The following NEGR1 variants were observed in gnomAD, a reference collection of about 807,000 sequenced individuals.
The protein encoded by NEGR1 is IgLON family member 4.
Under a neutral mutation model 40.9 loss-of-function variants are expected in NEGR1, and 10 were observed. The ratio of observed to expected loss-of-function variants is 0.24; its 90% CI spans 0.15 to 0.42. The LOEUF is 0.42. Among genes scored for constraint, NEGR1 ranks in the 10% least tolerant of loss-of-function variants. The pLI is 1.00. For synonymous variants in NEGR1, 185 were observed against 166.8 expected, an observed-to-expected ratio of 1.11 and a Z score of -0.84; for missense variants, 352 against 438.9, an observed-to-expected ratio of 0.80 and a Z score of 1.77.
chr1:71,557,186 A>C (rs564053801), intron 6 of NEGR1, among the ~76,000 whole-genome samples: 12 of 151,746 alleles, frequency 7.9e-5, no homozygotes, highest in Admixed American at 3.3e-4. Flanking sequence ...TGGAACACAA[A>C]TGCCTTTGGT....
intron 6 of NEGR1, among the ~76,000 whole-genome samples, chr1:71,463,880 G>A (rs1012260610): frequency 6.6e-5 from 10 of 152,122 alleles, no homozygotes; most frequent in Non-Finnish European, 8.8e-5. Flanking sequence ...TCTAATTAGA[G>A]AGAAAGGACC....
chr1:71,914,455 G>C (rs895011123), intron 2 of NEGR1, among the ~76,000 whole-genome samples: 90 of 152,290 alleles, frequency 5.9e-4, no homozygotes, highest in African/African-American at 2.0e-3. Flanking sequence ...CTAAGCCCAG[G>C]TAATGAAAAC....
At chr1:71,702,851 A>C (rs1036254533) in intron 3 of NEGR1, among the ~76,000 whole-genome samples, 1 of 152,018 alleles carries the variant, frequency 6.6e-6, no homozygotes, top group Non-Finnish European at 1.5e-5. Context: ...ATCTCATGCA[A>C]TTTTCAAGCA....
intron 2 of NEGR1, among the ~76,000 whole-genome samples, chr1:71,832,814 G>T (rs538338056): frequency 6.6e-6 from 1 of 152,112 alleles, no homozygotes; most frequent in African/African-American, 2.4e-5. Flanking sequence ...AAGGAATCAT[G>T]GAGAATTTCA....
chr1:72,214,174 G>A (rs1297557058), intron 1 of NEGR1, among the ~76,000 whole-genome samples: 1 of 152,002 alleles, frequency 6.6e-6, no homozygotes, highest in Non-Finnish European at 1.5e-5. Context: ...ACCCCTTCAT[G>A]ATAAAAACTC....
At chr1:71,827,783 G>C (rs1447956908) in intron 2 of NEGR1, among the ~76,000 whole-genome samples, 2 of 151,646 alleles carry the variant, frequency 1.3e-5, no homozygotes, top group African/African-American at 2.4e-5. Context: ...TACCGCGAGA[G>C]AGACAGGTAT....
At chr1:71,845,668 A>G (rs913833094) in intron 2 of NEGR1, among the ~76,000 whole-genome samples, 2 of 152,180 alleles carry the variant, frequency 1.3e-5, no homozygotes, top group African/African-American at 4.8e-5. Context: ...TGAGGTAGAA[A>G]GAGAGTAAGT....
At chr1:71,687,956 A>C (rs1326919368) in intron 4 of NEGR1, among the ~76,000 whole-genome samples, 1 of 152,158 alleles carries the variant, frequency 6.6e-6, no homozygotes, top group Non-Finnish European at 1.5e-5. Context: ...CTATAAGATG[A>C]AGAAATTTGG....
At chr1:72,133,755 T>C (rs1013547411) in intron 1 of NEGR1, among the ~76,000 whole-genome samples, 1 of 151,592 alleles carries the variant, frequency 6.6e-6, no homozygotes, top group Non-Finnish European at 1.5e-5. Flanking sequence ...CTTAAACTTT[T>C]GTAGTTAATA....
intron 1 of NEGR1, among the ~76,000 whole-genome samples, chr1:72,175,413 T>C (rs530960597): frequency 6.6e-6 from 1 of 152,248 alleles, no homozygotes; most frequent in East Asian, 1.9e-4. Context: ...AATCCTGATT[T>C]TTCCTCTACT....
chr1:71,998,136 C>T (rs891373181), intron 1 of NEGR1, among the ~76,000 whole-genome samples: 1 of 151,854 alleles, frequency 6.6e-6, no homozygotes, highest in African/African-American at 2.4e-5. Flanking sequence ...AAGTCAACAA[C>T]CTGATTTTGC....
chr1:72,075,080 A>G (rs1277179968), intron 1 of NEGR1, among the ~76,000 whole-genome samples: 2 of 152,170 alleles, frequency 1.3e-5, no homozygotes, highest in African/African-American at 4.8e-5. Context: ...ATGGAATAAA[A>G]TAACTTAGCA....
chr1:71,927,975 GAC>G (rs1645793010), intron 2 of NEGR1, among the ~76,000 whole-genome samples: 1 of 146,644 alleles, frequency 6.8e-6, no homozygotes, highest in African/African-American at 2.5e-5. Flanking sequence ...CTTCAGCCTG[GAC>G]ACAGAGTGAG....
chr1:71,569,939 G>T (rs1648757063), intron 6 of NEGR1, among the ~76,000 whole-genome samples: 1 of 151,958 alleles, frequency 6.6e-6, no homozygotes, highest in Admixed American at 6.6e-5. Context: ...CAGTGTTGGT[G>T]GTTATAGAGT....
At chr1:72,079,693 G>A (rs1347275646) in intron 1 of NEGR1, among the ~76,000 whole-genome samples, 1 of 151,950 alleles carries the variant, frequency 6.6e-6, no homozygotes, top group Non-Finnish European at 1.5e-5. Flanking sequence ...AAATTCAGAG[G>A]AATTAAGGAA....
At chr1:72,281,829 CAGAA>C (rs1342113608) in intron 1 of NEGR1, among the ~76,000 whole-genome samples, 1 of 151,900 alleles carries the variant, frequency 6.6e-6, no homozygotes, top group Non-Finnish European at 1.5e-5. Context: ...AGAAAGAAAA[CAGAA>C]AGCGGTAAAA....
At chr1:72,261,008 T>G (rs560208386) in intron 1 of NEGR1, among the ~76,000 whole-genome samples, 2 of 152,220 alleles carry the variant, frequency 1.3e-5, no homozygotes, top group South Asian at 4.1e-4. Context: ...GTTTATATTA[T>G]ACAGTTAGTT....
At chr1:71,477,926 T>C (rs1646832210) in intron 6 of NEGR1, among the ~76,000 whole-genome samples, 1 of 151,958 alleles carries the variant, frequency 6.6e-6, no homozygotes, top group Non-Finnish European at 1.5e-5. Flanking sequence ...GCTTAAAACC[T>C]GTAGGAAGCC....
At chr1:72,234,653 G>C (rs1654490616) in intron 1 of NEGR1, among the ~76,000 whole-genome samples, 2 of 151,974 alleles carry the variant, frequency 1.3e-5, no homozygotes, top group African/African-American at 4.8e-5. Context: ...TTCAAAATAA[G>C]ACACACATCT....
Sources: allele counts gnomAD v4.1 joint callset (sites outside exome capture counted in the v4.1 genomes callset), GRCh38; gene constraint gnomAD v4.1.1; transcripts MANE v1.5; gene names NCBI Gene and HGNC (gene_info 2026-07-23, HGNC 2026-07-21).